NRXN3: variants seen among roughly 807,000 people sequenced by gnomAD.
NRXN3 encodes the protein neurexin III.
Under a neutral mutation model 137.6 loss-of-function variants are expected in NRXN3, and 32 were observed. The ratio of observed to expected loss-of-function variants is 0.23; its 90% confidence interval spans 0.18 to 0.31. The LOEUF is 0.31. Among genes scored for constraint, NRXN3 ranks in the 10% least tolerant of loss-of-function variants. The probability of loss-of-function intolerance (pLI) is 1.00; values close to 1 mark genes in which losing one functional copy is unlikely to be tolerated. For synonymous variants in NRXN3, 798 were observed against 784.5 expected, an observed-to-expected ratio of 1.02 and a Z score of -0.29; for missense variants, 1,574 against 2,062.5, an observed-to-expected ratio of 0.76 and a Z score of 4.59.
At chr14:79,115,342 G>GA in intron 15 of NRXN3, among the ~76,000 whole-genome samples, 1 of 118,922 alleles carries the variant, frequency 8.4e-6, no homozygotes, top group Non-Finnish European at 1.8e-5. Context: ...AAAAAAAAAA[G>GA]AAAAAAAGCC....
intron 15 of NRXN3, among the ~76,000 whole-genome samples, chr14:79,017,862 A>C (rs2099581896): frequency 6.6e-6 from 1 of 152,064 alleles, no homozygotes; most frequent in South Asian, 2.1e-4. Context: ...AAATCTGTGC[A>C]TGTTTTTCTG....
At chr14:79,789,231 C>A (rs2099138121) in intron 19 of NRXN3, among the ~76,000 whole-genome samples, 1 of 152,050 alleles carries the variant, frequency 6.6e-6, no homozygotes, top group Non-Finnish European at 1.5e-5. Context: ...GACAGGGAGT[C>A]TGGGTAGGGA....
chr14:79,679,294 A>T lies in NRXN3; in HGVS notation c.3617-12879A>T, dbSNP rs2098657427. 2.0e-5 allele frequency among the ~76,000 whole-genome samples: 3 copies of T among 152,134 alleles called. No individual in the cohort carries two copies. The South Asian group carries it at 6.2e-4, about 31-fold the overall frequency. On this transcript the variant is annotated intron_variant, in intron 17 of 20. Transcript: ENST00000335750. ...TAAAAAGTATTGCCTTTGTGCTAGCATGTAGTTAATATTCAATGAATATCT... is the reference window on the plus strand; with the variant it reads ...TAAAAAGTATTGCCTTTGTGCTAGCTTGTAGTTAATATTCAATGAATATCT...
At chr14:78,700,945 T>C (rs1325967876) in intron 6 of NRXN3, among the ~76,000 whole-genome samples, 1 of 152,158 alleles carries the variant, frequency 6.6e-6, no homozygotes, top group East Asian at 1.9e-4. Context: ...CTAATTTTTG[T>C]ACTTTTAGTA....
At chr14:79,824,613 C>G (rs1439256811) in intron 20 of NRXN3, among the ~76,000 whole-genome samples, 1 of 152,178 alleles carries the variant, frequency 6.6e-6, no homozygotes, top group Non-Finnish European at 1.5e-5. Flanking sequence ...AGTGCAATGC[C>G]TGGAGCATAT....
At chr14:78,846,052 C>A (rs1237111059) in intron 10 of NRXN3, among the ~76,000 whole-genome samples, 1 of 151,944 alleles carries the variant, frequency 6.6e-6, no homozygotes, top group Non-Finnish European at 1.5e-5. Context: ...TACAGCCATT[C>A]CACATCTTCC....
chr14:78,170,945 T>A (rs2058657600), intron 1 of NRXN3, among the ~76,000 whole-genome samples: 1 of 131,556 alleles, frequency 7.6e-6, no homozygotes, highest in African/African-American at 3.1e-5. Context: ...ATTTTTATCT[T>A]CTTCTTCTTT....
intron 3 of NRXN3, among the ~76,000 whole-genome samples, chr14:78,292,185 C>T (rs1055645018): frequency 1.3e-5 from 2 of 152,212 alleles, no homozygotes; most frequent in African/African-American, 4.8e-5. Flanking sequence ...TTCATGATGG[C>T]CACAGCCGCT....
chr14:79,124,396 T>C (rs535216532), intron 15 of NRXN3, among the ~76,000 whole-genome samples: 1 of 152,294 alleles, frequency 6.6e-6, no homozygotes, highest in East Asian at 1.9e-4. Context: ...GTAAGCCATG[T>C]CATTTGCTTA....
At chr14:78,976,295 T>A (rs1057111514) in intron 14 of NRXN3, among the ~76,000 whole-genome samples, 1 of 152,168 alleles carries the variant, frequency 6.6e-6, no homozygotes, top group Non-Finnish European at 1.5e-5. Flanking sequence ...TTTCTGATGT[T>A]TAATGACTTT....
At chr14:78,898,780 C>T (rs2099186298) in intron 10 of NRXN3, among the ~76,000 whole-genome samples, 1 of 151,892 alleles carries the variant, frequency 6.6e-6, no homozygotes, top group South Asian at 2.1e-4. Flanking sequence ...AACTTAAATA[C>T]TTGGCCTATT....
intron 20 of NRXN3, among the ~76,000 whole-genome samples, chr14:79,832,637 G>A (rs1038352994): frequency 1.3e-5 from 2 of 152,082 alleles, no homozygotes; most frequent in African/African-American, 2.4e-5. Context: ...CCACCACAGA[G>A]AATTATCCCA....
At chr14:79,619,391 G>A (rs1034750782) in intron 16 of NRXN3, among the ~76,000 whole-genome samples, 2 of 152,030 alleles carry the variant, frequency 1.3e-5, no homozygotes, top group African/African-American at 4.8e-5. Context: ...TATGGTGAGA[G>A]GTGTAGGGGT....
At chr14:79,751,085 T>A (rs1256975438) in intron 19 of NRXN3, among the ~76,000 whole-genome samples, 2 of 152,098 alleles carry the variant, frequency 1.3e-5, no homozygotes, top group Non-Finnish European at 2.9e-5. Flanking sequence ...AACTTTAAAG[T>A]AGTTTTTTCC....
In NRXN3 at chr14:79,817,348, G is replaced by A. The variant is rs377493098; in HGVS notation, c.4093+12158G>A. 1.1e-3 allele frequency among the ~76,000 whole-genome samples: 173 copies of A among 152,130 alleles called. 1 individual carries two copies. Among genetic ancestry groups the A allele is most frequent in the African/African-American group, 4.0e-3 (165 of 41,518 alleles). ...GATTACAGGTATGAGCCACCGTTCC[G>A]GGCCTCCCTATATAGTAAACTTTCG... On this transcript the variant is annotated intron_variant, in intron 20 of 20. Coordinates refer to ENST00000335750, the MANE Select transcript of NRXN3 (RefSeq NM_001330195.2).
chr14:78,989,396 A>T (rs1440762017), intron 15 of NRXN3, among the ~76,000 whole-genome samples: 8 of 151,964 alleles, frequency 5.3e-5, no homozygotes, highest in Non-Finnish European at 2.9e-5. Context: ...ATGCTCTTTC[A>T]TTCTCTTAAG....
At chr14:78,425,276 A>G (rs1376772765) in intron 4 of NRXN3, among the ~76,000 whole-genome samples, 3 of 152,226 alleles carry the variant, frequency 2.0e-5, no homozygotes, top group Non-Finnish European at 2.9e-5. Flanking sequence ...ATAAAAGAGA[A>G]GAGGGAGCAT....
At chr14:79,516,009 T>C (rs1266541262) in intron 16 of NRXN3, among the ~76,000 whole-genome samples, 1 of 152,204 alleles carries the variant, frequency 6.6e-6, no homozygotes, top group African/African-American at 2.4e-5. Context: ...CCTTGTAGGC[T>C]GTGACCTTTC....
At chr14:78,895,615 A>G (rs773409496) in intron 10 of NRXN3, among the ~76,000 whole-genome samples, 2 of 151,896 alleles carry the variant, frequency 1.3e-5, no homozygotes, top group African/African-American at 2.4e-5. Flanking sequence ...CTTTGCATTC[A>G]CAACTAGGTT....
Sources: allele counts gnomAD v4.1 joint callset (sites outside exome capture counted in the v4.1 genomes callset), GRCh38; gene constraint gnomAD v4.1.1; transcripts MANE v1.5; gene names NCBI Gene and HGNC (gene_info 2026-07-23, HGNC 2026-07-21).